The following KLF12 variants were observed in gnomAD, a reference collection of about 807,000 sequenced individuals.
The protein encoded by KLF12 is Krueppel-like factor 12.
Under a neutral mutation model 37.8 loss-of-function variants are expected in KLF12, and 9 were observed. The observed-to-expected ratio is 0.24, with a 90% CI of 0.14 to 0.42. The LOEUF (loss-of-function observed/expected upper bound fraction) is 0.42. KLF12 is among the 10% of genes least tolerant of loss of function. The pLI is 1.00. For synonymous variants in KLF12, 208 were observed against 202.1 expected (o/e 1.03, Z -0.25); for missense variants, 411 against 516.0 (o/e 0.80, Z 1.97).
intron 6 of KLF12, among the ~76,000 whole-genome samples, chr13:73,732,083 AT>A (rs35067068): frequency 0.64 from 83,691 of 131,192 alleles, 25,700 homozygotes; most frequent in Middle Eastern, 0.71. Context: ...TATTAACCCT[AT>A]TTTTTTTTTT....
At chr13:74,104,070 C>T (rs1450199606) in intron 1 of KLF12, among the ~76,000 whole-genome samples, 1 of 152,146 alleles carries the variant, frequency 6.6e-6, no homozygotes, top group Non-Finnish European at 1.5e-5. Flanking sequence ...TATTAAAATA[C>T]ACACACAAAC....
intron 1 of KLF12, among the ~76,000 whole-genome samples, chr13:74,071,443 T>G (rs1272697637): frequency 1.3e-5 from 2 of 151,788 alleles, no homozygotes; most frequent in East Asian, 3.9e-4. Flanking sequence ...TCCCAGCACT[T>G]TGGGAGGGTG....
intron 1 of KLF12, among the ~76,000 whole-genome samples, chr13:74,076,376 T>A (rs950792414): frequency 1.3e-5 from 2 of 152,120 alleles, no homozygotes; most frequent in Non-Finnish European, 2.9e-5. Context: ...AAGTCCAAGA[T>A]CAAGGGGCTG....
intron 5 of KLF12, among the ~76,000 whole-genome samples, chr13:73,806,976 T>G (rs1882672805): frequency 6.6e-6 from 1 of 151,998 alleles, no homozygotes; most frequent in South Asian, 2.1e-4. Flanking sequence ...AACCCTTAGA[T>G]TCTAACTTTC....
intron 1 of KLF12, among the ~76,000 whole-genome samples, chr13:74,009,604 A>G (rs1892497744): frequency 3.9e-5 from 6 of 152,178 alleles, no homozygotes; most frequent in Admixed American, 2.0e-4. Context: ...AGAGAAGGAG[A>G]GAAACGTGGT....
intron 3 of KLF12, among the ~76,000 whole-genome samples, chr13:73,919,167 T>A (rs1213101965): frequency 6.6e-6 from 1 of 152,160 alleles, no homozygotes; most frequent in Admixed American, 6.5e-5. Context: ...AATCTTGAAG[T>A]TCACAGAAAA....
At chr13:73,837,167 A>T (rs768476330) in intron 4 of KLF12, among the ~76,000 whole-genome samples, 3 of 152,090 alleles carry the variant, frequency 2.0e-5, no homozygotes, top group Non-Finnish European at 2.9e-5. Flanking sequence ...TTTACTATTT[A>T]ATGCAGGGAG....
intron 7 of KLF12, among the ~76,000 whole-genome samples, chr13:73,698,189 G>T (rs931351631): frequency 6.6e-6 from 1 of 151,560 alleles, no homozygotes; most frequent in Non-Finnish European, 1.5e-5. Context: ...AGAGAGGAAA[G>T]GGGGAGGGGA....
chr13:74,133,530 G>A (rs1424392546), intron 1 of KLF12, among the ~76,000 whole-genome samples: 2 of 151,998 alleles, frequency 1.3e-5, no homozygotes, highest in East Asian at 1.9e-4. Context: ...TACTTGCTTT[G>A]CAACAGCATC....
intron 1 of KLF12, among the ~76,000 whole-genome samples, chr13:74,046,377 GT>G (rs2138570374): frequency 6.6e-6 from 1 of 151,986 alleles, no homozygotes; most frequent in East Asian, 1.9e-4. Context: ...TTTTTCAGAA[GT>G]TTATGGAAAC....
the KLF12 span, among the ~76,000 whole-genome samples, chr13:74,297,993 TGACTCTTTCTCTTCTGAATCGTTCC>T: frequency 2.6e-5 from 4 of 152,232 alleles, no homozygotes; most frequent in South Asian, 2.1e-4. Flanking sequence ...TCTATTTCAT[TGACTCTTTCTCTTCTGAATCGTTCC>T]GACTGGAAAT....
chr13:74,171,334 G>A, the KLF12 span, among the ~76,000 whole-genome samples: 3 of 152,126 alleles, frequency 2.0e-5, no homozygotes, highest in African/African-American at 7.2e-5. Flanking sequence ...GAAACACAAA[G>A]GAAGGCTGCT....
chr13:74,060,492 G>GTGTGTGTGTGTGTGTGTGTGTC (rs1873521368), intron 1 of KLF12, among the ~76,000 whole-genome samples: 10 of 103,134 alleles, frequency 9.7e-5, no homozygotes, highest in Admixed American at 1.0e-4. Flanking sequence ...TTTTGTGTGT[G>GTGTGTGTGTGTGTGTGTGTGTC]TGTGTGTGTG....
intron 3 of KLF12, among the ~76,000 whole-genome samples, chr13:73,907,248 G>A (rs1296258179): frequency 6.6e-6 from 1 of 152,078 alleles, no homozygotes; most frequent in Admixed American, 6.6e-5. Context: ...CTGCCTGTTG[G>A]TCAATAATCT....
chr13:74,128,637 T>C (rs1235731416), intron 1 of KLF12, among the ~76,000 whole-genome samples: 1 of 152,218 alleles, frequency 6.6e-6, no homozygotes, highest in East Asian at 1.9e-4. Context: ...TGTATCATCT[T>C]AGAGGTTACC....
rs1375773421 is a variant in KLF12, at chr13:73,764,919, T to C, written c.869+19A>G. 4.3e-6 allele frequency: 6 copies of C among 1,399,772 alleles called. No homozygotes were observed. Among genetic ancestry groups the C allele is most frequent in the Non-Finnish European group, 6.0e-6 (6 of 992,664 alleles). The allele number at this position is 1,399,772 out of a possible 1,614,324, so 86.7% of individuals were successfully genotyped here. ...TTCCCGTAAGACCTACAAATACTCA[T>C]ATTAGACTGTATACTCACCAAGGAA... On this transcript the variant is annotated intron_variant, in intron 6 of 7. Transcript: ENST00000377669.
the KLF12 span, among the ~76,000 whole-genome samples, chr13:74,197,381 G>A: frequency 6.6e-6 from 1 of 152,052 alleles, no homozygotes; most frequent in South Asian, 2.1e-4. Flanking sequence ...GTAAAGCTGA[G>A]GTTAACTGGT....
chr13:74,018,627 T>G (rs1039003062), intron 1 of KLF12, among the ~76,000 whole-genome samples: 4 of 152,206 alleles, frequency 2.6e-5, no homozygotes, highest in African/African-American at 9.6e-5. Context: ...CTTCAATAAA[T>G]GAAACTTCAA....
chr13:74,018,093 T>C (rs1892746823), intron 1 of KLF12, among the ~76,000 whole-genome samples: 1 of 152,102 alleles, frequency 6.6e-6, no homozygotes, highest in East Asian at 1.9e-4. Context: ...GCTTTTTTTT[T>C]TTTTTACTTA....
Sources: gnomAD v4.1 joint callset for allele counts (sites outside exome capture counted in the v4.1 genomes callset) on GRCh38, gnomAD v4.1.1 for gene constraint, MANE v1.5 for transcripts, NCBI Gene and HGNC (gene_info 2026-07-23, HGNC 2026-07-21) for gene names.